Variants in DNAH14 observed in about 807,000 individuals in gnomAD.
DNAH14 encodes the protein axonemal beta dynein heavy chain 14.
Under a neutral mutation model 520.9 loss-of-function variants are expected in DNAH14, and 478 were observed. The ratio of observed to expected loss-of-function variants is 0.92; its 90% confidence interval spans 0.85 to 0.99. DNAH14 has a LOEUF of 0.99. Ranked by LOEUF, DNAH14 falls within the 50% of genes least tolerant of loss-of-function variation. The probability of loss-of-function intolerance (pLI) is 0.00; values close to 1 mark genes in which losing one functional copy is unlikely to be tolerated. For missense variants in DNAH14, 4,831 were observed against 5,234.5 expected, an observed-to-expected ratio of 0.92 and a Z score of 2.38; for synonymous variants, 1,581 against 1,757.2, an observed-to-expected ratio of 0.90 and a Z score of 2.51.
chr1:224,984,206 T>C (rs2062461996), intron 8 of DNAH14, among the ~76,000 whole-genome samples: 1 of 152,118 alleles, frequency 6.6e-6, no homozygotes, highest in Admixed American at 6.6e-5. Flanking sequence ...CATAGACCAA[T>C]GAAACAGAAG....
chr1:225,324,699 C>T (rs774219689), intron 63 of DNAH14, 38 bp from the exon 64 acceptor site: 18 of 1,491,266 alleles, frequency 1.2e-5, no homozygotes, highest in African/African-American at 9.9e-5. Flanking sequence ...GTAAACCCGA[C>T]GTTTTTGACA....
chr1:225,269,534 G>C (rs1291219135), intron 49 of DNAH14, among the ~76,000 whole-genome samples: 2 of 152,164 alleles, frequency 1.3e-5, no homozygotes, highest in Non-Finnish European at 2.9e-5. Context: ...CCATCAGAGT[G>C]AACAGGCAAC....
intron 71 of DNAH14, among the ~76,000 whole-genome samples, chr1:225,346,947 C>A (rs1032987760): frequency 2.2e-4 from 34 of 152,300 alleles, no homozygotes; most frequent in Admixed American, 5.2e-4. Context: ...CCTTCCCCCA[C>A]ACCCCAATTA....
intron 9 of DNAH14, among the ~76,000 whole-genome samples, chr1:225,003,987 A>ATGATAGAGAACATTACTAG (rs1055444046): frequency 6.6e-6 from 1 of 152,086 alleles, no homozygotes; most frequent in Non-Finnish European, 1.5e-5. Flanking sequence ...ATGCCACCAA[A>ATGATAGAGAACATTACTAG]TGATAGAGAA....
chr1:225,022,357 C>CA lies in DNAH14; in HGVS notation c.1108-1255dup, dbSNP rs1340023632. Among the ~76,000 whole-genome samples, 3 of 152,144 alleles carry CA rather than the reference C, an allele frequency of 2.0e-5. No homozygotes were observed. In the East Asian group the frequency reaches 5.8e-4, roughly 29 times the overall value. ...AAATATTCACAATCTGTGCATCTGA[C>CA]AAAGTTCTAACATCCAGAGTCTATA... On this transcript the variant is annotated intron_variant, in intron 10 of 85. Coordinates refer to ENST00000682510, the MANE Select transcript of DNAH14 (RefSeq NM_001367479.1).
intron 36 of DNAH14, among the ~76,000 whole-genome samples, chr1:225,174,339 G>T (rs1271292199): frequency 1.3e-5 from 2 of 152,068 alleles, no homozygotes. Context: ...CCATTTATTT[G>T]TGTCCTGTTT....
chr1:225,252,666 T>A (rs1008606371), intron 44 of DNAH14, among the ~76,000 whole-genome samples: 1 of 152,164 alleles, frequency 6.6e-6, no homozygotes, highest in African/African-American at 2.4e-5. Context: ...TGTAAAACTG[T>A]AGCACATTGA....
At chr1:225,307,220 G>C (rs1350605744) in intron 58 of DNAH14, among the ~76,000 whole-genome samples, 2 of 152,018 alleles carry the variant, frequency 1.3e-5, no homozygotes, top group South Asian at 4.1e-4. Context: ...TAGTTATCAT[G>C]AATTTTATCA....
At chr1:225,226,239 C>A (rs2090519501) in intron 41 of DNAH14, among the ~76,000 whole-genome samples, 1 of 152,130 alleles carries the variant, frequency 6.6e-6, no homozygotes, top group South Asian at 2.1e-4. Context: ...ATTGACTTAC[C>A]CCCAGTGGGG....
At chr1:225,335,174 C>A (rs958767590) in intron 66 of DNAH14, among the ~76,000 whole-genome samples, 1 of 136,654 alleles carries the variant, frequency 7.3e-6, no homozygotes, top group African/African-American at 2.6e-5. Flanking sequence ...TGCATGTGTA[C>A]ATGTGCGCAT....
intron 76 of DNAH14, among the ~76,000 whole-genome samples, chr1:225,366,810 T>TC (rs35955628): frequency 0.44 from 66,595 of 151,740 alleles, 16,397 homozygotes; most frequent in Middle Eastern, 0.61. Flanking sequence ...CCTCCTCTTT[T>TC]CCCCGAGAAG....
intron 35 of DNAH14, among the ~76,000 whole-genome samples, chr1:225,164,094 A>T (rs999775728): frequency 4.6e-5 from 7 of 151,960 alleles, no homozygotes; most frequent in African/African-American, 1.7e-4. Context: ...CTAATTCTTT[A>T]TTTATCCATC....
chr1:224,948,379 A>AATATAGCT (rs1293462330), intron 1 of DNAH14, among the ~76,000 whole-genome samples: 1 of 151,540 alleles, frequency 6.6e-6, no homozygotes, highest in Non-Finnish European at 1.5e-5. Flanking sequence ...TTCTGATATG[A>AATATAGCT]ATATAGCTAT....
chr1:225,091,630 C>T (rs1231288502), intron 21 of DNAH14, among the ~76,000 whole-genome samples: 1 of 152,052 alleles, frequency 6.6e-6, no homozygotes, highest in Non-Finnish European at 1.5e-5. Flanking sequence ...AAAATACACA[C>T]TTAAATACAT....
At chr1:225,209,092 C>A (rs544338777) in intron 41 of DNAH14, among the ~76,000 whole-genome samples, 2 of 152,150 alleles carry the variant, frequency 1.3e-5, no homozygotes, top group Admixed American at 6.5e-5. Flanking sequence ...TGGGTCTGTT[C>A]TTTTGACTGC....
At chr1:224,931,620 A>G (rs1330052506) in intron 1 of DNAH14, among the ~76,000 whole-genome samples, 1 of 151,802 alleles carries the variant, frequency 6.6e-6, no homozygotes, top group African/African-American at 2.4e-5. Context: ...CTATTTGTCC[A>G]CTCTCTACCT....
At chr1:225,273,398 C>CA (rs1358332339) in intron 52 of DNAH14, among the ~76,000 whole-genome samples, 1 of 152,230 alleles carries the variant, frequency 6.6e-6, no homozygotes, top group Non-Finnish European at 1.5e-5. Context: ...GAGATCGCAC[C>CA]AGTGCAGTCC....
intron 60 of DNAH14, among the ~76,000 whole-genome samples, chr1:225,309,184 A>G (rs149544387): frequency 1.4e-3 from 218 of 152,332 alleles, no homozygotes; most frequent in African/African-American, 5.1e-3. Flanking sequence ...GCCTCTTGTC[A>G]TACCTAATTA....
At position 225,380,189 on chromosome 1, in the gene DNAH14, G is replaced by C. The variant is rs899832534; in HGVS notation, c.12747G>C (p.Met4249Ile). 3.3e-5 allele frequency: 51 copies of C among 1,551,530 alleles called. 1 individual carries two copies. Among genetic ancestry groups the C allele is most frequent in the Non-Finnish European group, 3.2e-5 (37 of 1,146,942 alleles). ...AGCAGAGTAAGGATGAACTGGTGATGGAAATTCTATCCGACTTGCTAAAGC... is the reference window on the plus strand; with the variant it reads ...AGCAGAGTAAGGATGAACTGGTGATCGAAATTCTATCCGACTTGCTAAAGC... ...RPEQSKDELV[M>I]EILSDLLKRL... Residue 4249 changes from methionine to isoleucine, a missense_variant, in exon 80 of 86, where the codon ATG becomes ATC. By Grantham distance (10) the Met-to-Ile change is conservative (BLOSUM62 1). Coordinates refer to ENST00000682510, the MANE Select transcript of DNAH14 (RefSeq NM_001367479.1).
Sources: gnomAD v4.1 joint callset for allele counts (sites outside exome capture counted in the v4.1 genomes callset) on GRCh38, gnomAD v4.1.1 for gene constraint, MANE v1.5 for transcripts, NCBI Gene and HGNC (gene_info 2026-07-23, HGNC 2026-07-21) for gene names.